The following FN1 variants were observed in gnomAD, a reference collection of about 807,000 sequenced individuals.
The protein encoded by FN1 is fibronectin 1.
In FN1, 106 loss-of-function variants were observed where a neutral mutation model predicts 297.3. The observed-to-expected ratio is 0.36, with a 90% CI of 0.30 to 0.42. FN1 has a LOEUF of 0.42. Ranked by LOEUF, FN1 falls within the 10% of genes least tolerant of loss-of-function variation. The pLI is 1.00. For synonymous variants in FN1, 1,149 were observed against 1,152.6 expected (o/e 1.00, Z 0.06); for missense variants, 2,690 against 3,124.9 (o/e 0.86, Z 3.32).
At chr2:215,426,433 C>T (rs992946816) in intron 6 of FN1, among the ~76,000 whole-genome samples, 13 of 152,192 alleles carry the variant, frequency 8.5e-5, no homozygotes, top group Non-Finnish European at 1.5e-4. Flanking sequence ...CAGGCGTGAG[C>T]CACCGCGCCC....
chr2:215,400,751 C>CAAAAAAAAAA (rs1175226865), intron 20 of FN1, among the ~76,000 whole-genome samples: 3 of 56,216 alleles, frequency 5.3e-5, no homozygotes, highest in African/African-American at 8.9e-5. Flanking sequence ...GGCTCCATCT[C>CAAAAAAAAAA]AAAAAAAAAA....
chr2:215,385,138 A>G (rs569654934), intron 28 of FN1, among the ~76,000 whole-genome samples, 162 bp from the exon 29 acceptor site: 7 of 152,218 alleles, frequency 4.6e-5, no homozygotes, highest in African/African-American at 1.7e-4. Context: ...ATTCAAGATA[A>G]GGGGTTACAG....
At chr2:215,371,692 T>C (rs1051195128) in intron 40 of FN1, among the ~76,000 whole-genome samples, 2 of 120,022 alleles carry the variant, frequency 1.7e-5, no homozygotes, top group Admixed American at 9.1e-5. Context: ...TTTTTTTTTT[T>C]TCAAGAGACG....
chr2:215,392,257 A>G, intron 25 of FN1: 1 of 203,116 alleles, frequency 4.9e-6, no homozygotes, highest in Middle Eastern at 2.2e-3. Flanking sequence ...CTACAGTTCC[A>G]TTCAGTGAAT....
At chr2:215,426,436 C>G (rs1312411536) in intron 6 of FN1, among the ~76,000 whole-genome samples, 1 of 152,138 alleles carries the variant, frequency 6.6e-6, no homozygotes, top group African/African-American at 2.4e-5. Flanking sequence ...GCGTGAGCCA[C>G]CGCGCCCGGC....
chr2:215,427,370 C>T (rs926379941), intron 6 of FN1, among the ~76,000 whole-genome samples: 1 of 152,060 alleles, frequency 6.6e-6, no homozygotes, highest in Non-Finnish European at 1.5e-5. Flanking sequence ...GATGTTGGCA[C>T]ATCATATAGT....
rs1478653738 is a variant in FN1, at chr2:215,393,282, A to G, written c.3797-79T>C. On this transcript the variant is annotated intron_variant, in intron 24 of 45. Coordinates refer to ENST00000354785, the MANE Select transcript of FN1 (RefSeq NM_212482.4). ...AAAAGAGGAAAAAATAAAGCAGTGTATATCAGGTTACTAGTAGTAAAATTG... is the reference window on the plus strand; with the variant it reads ...AAAAGAGGAAAAAATAAAGCAGTGTGTATCAGGTTACTAGTAGTAAAATTG... 5 of 1,406,522 alleles carry G rather than the reference A, an allele frequency of 3.6e-6. No homozygotes were observed. In the East Asian group the frequency reaches 6.9e-5, roughly 19 times the overall value. The allele number at this position is 1,406,522 out of a possible 1,614,324, so 87.1% of individuals were successfully genotyped here. A position where few individuals can be genotyped will look rare whatever the true frequency, so the allele number is the denominator to read the frequency against.
intron 18 of FN1, among the ~76,000 whole-genome samples, 172 bp from the exon 19 acceptor site, chr2:215,406,682 A>G (rs2061816367): frequency 6.6e-6 from 1 of 152,212 alleles, no homozygotes; most frequent in South Asian, 2.1e-4. Flanking sequence ...TGCTTAAATT[A>G]TGACATTTGA....
chr2:215,388,574 T>C (rs1203179305), intron 26 of FN1, among the ~76,000 whole-genome samples: 45 of 152,224 alleles, frequency 3.0e-4, no homozygotes, highest in Non-Finnish European at 4.4e-5. Context: ...TGGGATGAAG[T>C]TGCTGCAACA....
rs561390238 is a variant in FN1, at chr2:215,428,443, T to A, written c.686-105A>T. 130 of 987,656 alleles carry A rather than the reference T, an allele frequency of 1.3e-4. 1 individual carries two copies. The South Asian group carries it at 1.6e-3, about 12-fold the overall frequency. The allele number at this position is 987,656 out of a possible 1,614,324, so 61.2% of individuals were successfully genotyped here. ...TCTATGCCTGGTAATCTATTTTTGG[T>A]AATATGTTCATATTCAGCTCTGGTG... On this transcript the variant is annotated intron_variant, in intron 5 of 45. Coordinates refer to ENST00000354785, the MANE Select transcript of FN1 (RefSeq NM_212482.4).
At chr2:215,375,491 T>A (rs1417211440) in intron 37 of FN1, 98 bp from the exon 38 acceptor site, 5 of 1,301,922 alleles carry the variant, frequency 3.8e-6, no homozygotes, top group Non-Finnish European at 5.5e-6. Flanking sequence ...CTTAAAAGAA[T>A]CTGAGAATAC....
At chr2:215,369,244 A>G (rs1175730700) in intron 41 of FN1, among the ~76,000 whole-genome samples, 4 of 152,070 alleles carry the variant, frequency 2.6e-5, no homozygotes, top group African/African-American at 7.2e-5. Context: ...TGACTTAGAA[A>G]AGCACAAAGA....
chr2:215,411,109 T>G (rs749407633), intron 13 of FN1, among the ~76,000 whole-genome samples: 1 of 152,192 alleles, frequency 6.6e-6, no homozygotes, highest in African/African-American at 2.4e-5. Context: ...GTTACCCAAT[T>G]TTGGACAAGA....
At chr2:215,397,261 C>G in intron 22 of FN1, 38 bp from the exon 23 acceptor site, 1 of 1,444,874 alleles carries the variant, frequency 6.9e-7, no homozygotes, top group Non-Finnish European at 9.7e-7. Context: ...AAAGCTGACA[C>G]AAAGCTCTTG....
Position 215,408,282 on chromosome 2 carries a change from T to C in FN1, c.2428+16A>G, listed in dbSNP as rs371983397. 22 of 1,614,164 alleles carry C rather than the reference T, an allele frequency of 1.4e-5. No homozygotes were observed. The African/African-American group carries it at 2.3e-4, about 17-fold the overall frequency. The stretch of plus-strand genomic sequence containing the variant: ...ACAGAAAAAGATTCTTTTAACACTA[T>C]GTAGCACACATGTACCTGTTGTTTG... On this transcript the variant is annotated intron_variant, in intron 16 of 45. Transcript: ENST00000354785.
At chr2:215,375,576 GAAAC>G in intron 37 of FN1, 49 bp downstream of exon 37, 1 of 1,370,690 alleles carries the variant, frequency 7.3e-7, no homozygotes, top group Non-Finnish European at 1.0e-6. Context: ...TTGAGTTCAT[GAAAC>G]TGATTGCATA....
intron 12 of FN1, among the ~76,000 whole-genome samples, chr2:215,416,145 T>C (rs1262976665): frequency 1.3e-5 from 2 of 152,168 alleles, no homozygotes; most frequent in Admixed American, 6.5e-5. Flanking sequence ...AGAAAAAATA[T>C]ATAACTTGGA....
chr2:215,430,998 G>T, intron 4 of FN1, 146 bp from the exon 5 acceptor site: 1 of 799,986 alleles, frequency 1.3e-6, no homozygotes, highest in Non-Finnish European at 2.1e-6. Context: ...GACACACCCA[G>T]CATCTAAGCA....
intron 29 of FN1, 35 bp from the exon 30 acceptor site, chr2:215,384,219 G>A: frequency 1.2e-6 from 2 of 1,604,272 alleles, no homozygotes; most frequent in East Asian, 2.2e-5. Context: ...AGTGTGAGGG[G>A]TTTAGAGCTA....
Sources: allele counts gnomAD v4.1 joint callset (sites outside exome capture counted in the v4.1 genomes callset), GRCh38; gene constraint gnomAD v4.1.1; transcripts MANE v1.5; gene names NCBI Gene and HGNC (gene_info 2026-07-23, HGNC 2026-07-21).